The following TCAIM variants were observed in gnomAD, a reference collection of about 807,000 sequenced individuals.
TCAIM encodes T-cell activation inhibitor, mitochondrial.
TCAIM carries 36 observed loss-of-function variants against 58.6 expected under a neutral mutation model. The observed-to-expected ratio is 0.61, with a 90% CI of 0.47 to 0.81. The LOEUF (loss-of-function observed/expected upper bound fraction) is 0.81. TCAIM is among the 30% of genes least tolerant of loss of function. The probability of loss-of-function intolerance (pLI) is 0.00; values close to 1 mark genes in which losing one functional copy is unlikely to be tolerated. For missense variants in TCAIM, 466 were observed against 579.6 expected (o/e 0.80, Z 2.01); for synonymous variants, 172 against 193.6 (o/e 0.89, Z 0.93).
Position 44,407,529 on chromosome 3 carries a change from T to C in TCAIM, c.1338T>C (p.Ser446=). 1.2e-6 allele frequency: 2 copies of C among 1,613,782 alleles called. No homozygotes were observed. Among genetic ancestry groups the C allele is most frequent in the African/African-American group, 1.3e-5 (1 of 75,064 alleles). ...EKLYKEPSIS[S]IQMVDCCKRL... is the part of the protein sequence containing the mutation. ...TATATAAAGAGCCCAGCATTTCTAGTATACAAATGGTGGATTGTTGTAAGA... is the reference window on the plus strand; with the variant it reads ...TATATAAAGAGCCCAGCATTTCTAGCATACAAATGGTGGATTGTTGTAAGA... Residue 446 remains serine (S), a synonymous_variant, in exon 11 of 11, where the codon AGT becomes AGC. Coordinates refer to ENST00000342649, the MANE Select transcript of TCAIM (RefSeq NM_173826.4).
chr3:44,368,087 G>A (rs1330616432), intron 5 of TCAIM, among the ~76,000 whole-genome samples: 1 of 152,104 alleles, frequency 6.6e-6, no homozygotes, highest in Non-Finnish European at 1.5e-5. Flanking sequence ...CATGTGTTAG[G>A]CATTTCTAAC....
At chr3:44,365,622 C>T (rs115120751) in intron 4 of TCAIM, among the ~76,000 whole-genome samples, 65 of 152,182 alleles carry the variant, frequency 4.3e-4, no homozygotes, top group African/African-American at 1.4e-3. Context: ...ACCACTGCCC[C>T]GGCCTCATAC....
intron 6 of TCAIM, among the ~76,000 whole-genome samples, chr3:44,395,673 T>C (rs540907572): frequency 2.6e-5 from 4 of 152,342 alleles, no homozygotes; most frequent in African/African-American, 9.6e-5. Flanking sequence ...TCAAAATCAC[T>C]TTCTCTAGAA....
chr3:44,394,909 AAAAAAAAAAAAAATATATATATATATAT>A (rs1461339822), intron 6 of TCAIM, among the ~76,000 whole-genome samples: 5 of 52,336 alleles, frequency 9.6e-5, no homozygotes, highest in Non-Finnish European at 1.4e-4. Flanking sequence ...AAAAAAAAAA[AAAAAAAAAAAAAATATATATATATATAT>A]ATATATATAT....
At chr3:44,407,005 G>C (rs1702111356) in intron 10 of TCAIM, among the ~76,000 whole-genome samples, 1 of 152,160 alleles carries the variant, frequency 6.6e-6, no homozygotes, top group Non-Finnish European at 1.5e-5. Flanking sequence ...GTCCTCCTCA[G>C]GATCCTGGTT....
chr3:44,347,604 T>G (rs1559558785), intron 1 of TCAIM, among the ~76,000 whole-genome samples: 1 of 152,162 alleles, frequency 6.6e-6, no homozygotes, highest in South Asian at 2.1e-4. Flanking sequence ...GGCAAAACAA[T>G]TTGGCTGATA....
chr3:44,398,355 G>A lies in TCAIM; in HGVS notation c.885+1521G>A, dbSNP rs7614878. Among the ~76,000 whole-genome samples, 903 of 152,164 alleles carry A rather than the reference G, an allele frequency of 5.9e-3. 11 individuals carry two copies. The highest frequency in any genetic ancestry group is 0.017 in the Middle Eastern group (5 of 294). On this transcript the variant is annotated intron_variant, in intron 8 of 10. Coordinates refer to ENST00000342649, the MANE Select transcript of TCAIM (RefSeq NM_173826.4). ...TGAGGCAGGAGAATCATTTGAACCC[G>A]GGAGACGGAAGTTGCAGTGAGCCGA... is the stretch of plus-strand genomic sequence containing the variant.
chr3:44,347,584 A>G (rs1035453535), intron 1 of TCAIM, among the ~76,000 whole-genome samples: 2 of 152,196 alleles, frequency 1.3e-5, no homozygotes, highest in South Asian at 4.1e-4. Flanking sequence ...TTGGCACCAC[A>G]GGGTGGATAG....
intron 1 of TCAIM, among the ~76,000 whole-genome samples, chr3:44,352,366 CTG>C (rs1395583686): frequency 2.6e-5 from 4 of 152,166 alleles, no homozygotes; most frequent in African/African-American, 9.7e-5. Context: ...GATATGGAGA[CTG>C]TAGTATATTC....
At chr3:44,393,758 AAATAAT>A (rs1037085381) in intron 6 of TCAIM, among the ~76,000 whole-genome samples, 12 of 152,160 alleles carry the variant, frequency 7.9e-5, no homozygotes, top group East Asian at 3.9e-4. Context: ...CCTCATCTCT[AAATAAT>A]AATAATAATA....
At chr3:44,344,157 G>A (rs756106613) in intron 1 of TCAIM, among the ~76,000 whole-genome samples, 10 of 151,888 alleles carry the variant, frequency 6.6e-5, no homozygotes, top group East Asian at 1.9e-4. Flanking sequence ...AATTACAGGC[G>A]TGTGTCACCA....
intron 5 of TCAIM, among the ~76,000 whole-genome samples, chr3:44,379,299 G>A (rs1701618418): frequency 6.6e-6 from 1 of 152,154 alleles, no homozygotes; most frequent in Non-Finnish European, 1.5e-5. Context: ...AAACCATCGT[G>A]GAAAGTAGTG....
At chr3:44,386,209 CAAAAAAA>C (rs10576012) in intron 5 of TCAIM, among the ~76,000 whole-genome samples, 2 of 54,986 alleles carry the variant, frequency 3.6e-5, no homozygotes, top group Admixed American at 2.3e-4. Context: ...CCAGAAGCTC[CAAAAAAA>C]AAAAAAAAAA....
intron 4 of TCAIM, among the ~76,000 whole-genome samples, chr3:44,363,922 T>G (rs909948739): frequency 2.3e-4 from 8 of 35,516 alleles, no homozygotes; most frequent in African/African-American, 5.6e-4. Context: ...AAGTCTGTCT[T>G]TTTTTTTTTT....
chr3:44,370,750 C>CTT (rs60626140), intron 5 of TCAIM, among the ~76,000 whole-genome samples: 45 of 73,064 alleles, frequency 6.2e-4, no homozygotes, highest in South Asian at 1.8e-3. Context: ...TTCTTTCTTT[C>CTT]TTTCTTTTTT....
chr3:44,372,680 G>A (rs896611094), intron 5 of TCAIM, among the ~76,000 whole-genome samples: 6 of 151,060 alleles, frequency 4.0e-5, no homozygotes, highest in South Asian at 2.1e-4. Flanking sequence ...TGCAAGCTCC[G>A]CCTCCCGGGT....
At chr3:44,355,101 A>G (rs1701165780) in intron 2 of TCAIM, among the ~76,000 whole-genome samples, 1 of 152,216 alleles carries the variant, frequency 6.6e-6, no homozygotes, top group Non-Finnish European at 1.5e-5. Flanking sequence ...ATTATGTTTC[A>G]AGCATCTAGG....
At chr3:44,359,707 C>T (rs1007800931) in intron 3 of TCAIM, 3 of 152,196 alleles carry the variant, frequency 2.0e-5, no homozygotes, top group South Asian at 2.1e-4. Context: ...GAAACTTGCA[C>T]GTGGTCTCTC....
chr3:44,345,763 A>C (rs1700953980), intron 1 of TCAIM, among the ~76,000 whole-genome samples: 1 of 152,134 alleles, frequency 6.6e-6, no homozygotes, highest in Non-Finnish European at 1.5e-5. Context: ...AAAGTATTGG[A>C]GTGTACCCTG....
Sources: gnomAD v4.1 joint callset for allele counts (sites outside exome capture counted in the v4.1 genomes callset) on GRCh38, gnomAD v4.1.1 for gene constraint, MANE v1.5 for transcripts, NCBI Gene and HGNC (gene_info 2026-07-23, HGNC 2026-07-21) for gene names.